The following SLC29A2 variants were observed in gnomAD, a reference collection of about 807,000 sequenced individuals.
The protein encoded by SLC29A2 is solute carrier family 29 member 2.
A neutral mutation model predicts 48.8 loss-of-function variants in SLC29A2; 37 were observed. The observed-to-expected ratio is 0.76, with a 90% CI of 0.58 to 1.00. SLC29A2 has a LOEUF of 1.00. Among genes scored for constraint, SLC29A2 ranks in the 50% least tolerant of loss-of-function variants. The pLI, the probability that SLC29A2 is intolerant of heterozygous loss-of-function variation, is 0.00. For missense variants in SLC29A2, 533 were observed against 578.6 expected (o/e 0.92, Z 0.81); for synonymous variants, 233 against 261.7 (o/e 0.89, Z 1.06).
chr11:66,364,134 T>G, intron 11 of SLC29A2, 91 bp downstream of exon 11: 1 of 1,095,020 alleles, frequency 9.1e-7, no homozygotes, highest in Non-Finnish European at 1.3e-6. Context: ...AGAAGCAGGA[T>G]GGGCCGTCCC....
At chr11:66,368,740 C>T (rs761671864) in intron 4 of SLC29A2, 69 bp from the exon 5 acceptor site, 15 of 1,550,092 alleles carry the variant, frequency 9.7e-6, no homozygotes, top group Admixed American at 3.9e-5. Context: ...GAGGAGGTGC[C>T]GGCAGGATAC....
Position 66,369,529 on chromosome 11 carries a change from A to C in SLC29A2, c.115T>G (p.Phe39Val). The C allele has an allele frequency of 6.2e-7, 1 of 1,613,754 alleles. No individual in the cohort carries two copies. Among genetic ancestry groups the C allele is most frequent in the Non-Finnish European group, 8.5e-7 (1 of 1,179,884 alleles). ...CCGGCCCCGGCCAGTCGCGCCTGGA[A>C]GTACTGCCAGGTGGGGAGGTGGTGG... is the stretch of plus-strand genomic sequence containing the variant. ...WNFFITAIPY[F>V]QARLAGAGNS... Residue 39 changes from phenylalanine to valine, a missense_variant, in exon 3 of 12, where the codon TTC becomes GTC. Coordinates refer to ENST00000357440, the MANE Select transcript of SLC29A2 (RefSeq NM_001532.3).
chr11:66,366,175 G>T lies in SLC29A2; in HGVS notation c.924C>A (p.Phe308Leu). Residue 308 changes from phenylalanine to leucine, a missense_variant, in exon 9 of 12, where the codon TTC becomes TTA. Physicochemically the swap from Phe to Leu is conservative, Grantham distance 22 (BLOSUM62 0). Coordinates refer to ENST00000357440, the MANE Select transcript of SLC29A2 (RefSeq NM_001532.3). ...VLVFTVTLSVFPAITAMVTSS... is the reference protein window; with the variant it reads ...VLVFTVTLSVLPAITAMVTSS... ...TGGTCACCATGGCTGTGATGGCGGG[G>T]AAGACGGACAGGGTGACTGTGAAGA... 6.2e-7 allele frequency: 1 copy of T among 1,614,210 alleles called. No individual in the cohort carries two copies. Among genetic ancestry groups the T allele is most frequent in the Non-Finnish European group, 8.5e-7 (1 of 1,180,048 alleles).
intron 10 of SLC29A2, 143 bp downstream of exon 10, chr11:66,365,793 G>A: frequency 1.3e-6 from 1 of 797,892 alleles, no homozygotes; most frequent in South Asian, 1.4e-5. Context: ...CGCCTCCAGG[G>A]CCCAAGTGCT....
intron 1 of SLC29A2, 35 bp from the exon 2 acceptor site, chr11:66,371,360 G>T: frequency 1.3e-6 from 2 of 1,599,674 alleles, no homozygotes; most frequent in Non-Finnish European, 1.7e-6. Context: ...CCCCGAGGAC[G>T]CACCCGCCTC....
At position 66,369,354 on chromosome 11, in the gene SLC29A2, G is replaced by A; in HGVS notation, c.275+15C>T. On this transcript the variant is annotated intron_variant, in intron 3 of 11. Transcript: ENST00000357440. ...GCCTCGGCAGAGGGCGCAGGAGCCA[G>A]GGCAGGCCTCTCACCACTGGTACAG... 6.2e-7 allele frequency: 1 copy of A among 1,613,852 alleles called. No individual in the cohort carries two copies. Among genetic ancestry groups the A allele is most frequent in the Non-Finnish European group, 8.5e-7 (1 of 1,179,872 alleles).
chr11:66,363,519 C>G lies in SLC29A2; in HGVS notation c.1288G>C (p.Ala430Pro). Residue 430 changes from alanine to proline, a missense_variant, in exon 12 of 12, where the codon GCC (alanine) becomes CCC (proline). By Grantham distance (27) the Ala-to-Pro change is conservative (BLOSUM62 -1). Transcript: ENST00000357440. ...AGGAAGAAGGTCATGAGGGCGCCGG[C>G]CACCTCCCTCTCGTGTGGCAGCACC... ...RQVLPHEREV[A>P]GALMTFFLAL... The G allele has an allele frequency of 3.7e-6, 6 of 1,613,820 alleles. No individual in the cohort carries two copies. The highest frequency in any genetic ancestry group is 5.1e-6 in the Non-Finnish European group (6 of 1,179,842).
intron 10 of SLC29A2, 24 bp downstream of exon 10, chr11:66,365,912 A>C (rs1205495621): frequency 1.9e-6 from 3 of 1,607,736 alleles, no homozygotes. Context: ...AAAACATCGG[A>C]TCACCCAGCC....
Position 66,367,832 on chromosome 11 carries a change from A to AG in SLC29A2, c.587_588insC (p.Ile197TyrfsTer30), listed in dbSNP as rs1855794548. 8 of 1,614,046 alleles carry AG rather than the reference A, an allele frequency of 5.0e-6. No individual in the cohort carries two copies. Among genetic ancestry groups the AG allele is most frequent in the East Asian group, 2.2e-5 (1 of 44,896 alleles). On this transcript the variant is annotated frameshift_variant, in exon 6 of 12. Coordinates refer to ENST00000357440, the MANE Select transcript of SLC29A2 (RefSeq NM_001532.3). LOFTEE classifies it high-confidence loss of function. ...TGAGGATGCCCACACAGGGCGTGAT[A>AG]AAGTACCCCAGGGCAGAGGTCTCGG...
Position 66,368,521 on chromosome 11 carries a change from AC to A in SLC29A2, c.550+15del, listed in dbSNP as rs1855837598. The stretch of plus-strand genomic sequence containing the variant: ...CAGAGGCCACCCCAGCCCTCCAGCC[AC>A]CCAAGTGCACTCACTGGCCATGGAC... On this transcript the variant is annotated intron_variant, in intron 5 of 11. Coordinates refer to ENST00000357440, the MANE Select transcript of SLC29A2 (RefSeq NM_001532.3). 1.2e-6 allele frequency: 2 copies of A among 1,613,208 alleles called. No individual in the cohort carries two copies. Among genetic ancestry groups the A allele is most frequent in the Non-Finnish European group, 1.7e-6 (2 of 1,179,892 alleles).
At chr11:66,367,926 G>A (rs1855804141) in intron 5 of SLC29A2, 57 bp from the exon 6 acceptor site, 2 of 1,389,180 alleles carry the variant, frequency 1.4e-6, no homozygotes, top group East Asian at 2.4e-5. Flanking sequence ...GCTCCCACGG[G>A]GCTTCCAACT....
chr11:66,364,245 G>A lies in SLC29A2; in HGVS notation c.1239C>T (p.Leu413=), dbSNP rs1405766539. ...FAVSNGYLVS[L]TMCLAPRQVL... is the part of the protein sequence containing the mutation. ...CGGACCTGGGCGCCAGGCACATGGT[G>A]AGGGACACCAGGTAGCCATTAGAAA... The change falls in exon 11 of 12, where the codon CTC becomes CTT. Residue 413 remains leucine (L), a synonymous_variant. Transcript: ENST00000357440. 3.1e-6 allele frequency: 5 copies of A among 1,612,438 alleles called. No individual in the cohort carries two copies. The African/African-American group carries it at 4.0e-5, about 13-fold the overall frequency.
Position 66,371,742 on chromosome 11 carries a change from G to T in SLC29A2, c.-151C>A. ...GCTGGAGTCGCACAGGTAGCCTCGG[G>T]CGGATTTCGGCGTGTCTCGCGCTCC... On this transcript the variant is annotated 5_prime_UTR_variant, in exon 1 of 12. Coordinates refer to ENST00000357440, the MANE Select transcript of SLC29A2 (RefSeq NM_001532.3). The T allele has an allele frequency of 5.7e-6, 4 of 707,502 alleles. No homozygotes were observed. In the South Asian group the frequency reaches 7.5e-5, roughly 13 times the overall value. The allele number at this position is 707,502 out of a possible 1,614,324, so 43.8% of individuals were successfully genotyped here. A position where few individuals can be genotyped will look rare whatever the true frequency, so the allele number is the denominator to read the frequency against.
intron 10 of SLC29A2, 79 bp from the exon 11 acceptor site, chr11:66,364,503 C>A: frequency 3.7e-5 from 24 of 654,642 alleles, no homozygotes; most frequent in Non-Finnish European, 5.9e-5. Flanking sequence ...CCATAGAGTA[C>A]TTTTTTTTTT....
In SLC29A2 at chr11:66,367,814, G is replaced by T; in HGVS notation, c.606C>A (p.Gly202=). The T allele has an allele frequency of 6.2e-7, 1 of 1,614,230 alleles. No individual in the cohort carries two copies. ...GGTAACACACGATGGACATGAGGATGCCCACACAGGGCGTGATAAAGTACC... is the reference window on the plus strand; with the variant it reads ...GGTAACACACGATGGACATGAGGATTCCCACACAGGGCGTGATAAAGTACC... ...ALGYFITPCV[G]ILMSIVCYLS... is the part of the protein sequence containing the mutation. Residue 202 remains glycine (G), a synonymous_variant, in exon 6 of 12, where the codon GGC becomes GGA. Coordinates refer to ENST00000357440, the MANE Select transcript of SLC29A2 (RefSeq NM_001532.3).
At position 66,367,684 on chromosome 11, in the gene SLC29A2, AC is replaced by A. The variant is rs560182170; in HGVS notation, c.648+87del. 4.3e-4 allele frequency: 637 copies of A among 1,495,296 alleles called. 3 individuals carry two copies. In the Admixed American group the frequency reaches 5.9e-3, roughly 14 times the overall value. The allele number at this position is 1,495,296 out of a possible 1,614,324, so 92.6% of individuals were successfully genotyped here. A position where few individuals can be genotyped will look rare whatever the true frequency, so the allele number is the denominator to read the frequency against. On this transcript the variant is annotated intron_variant, in intron 6 of 11. Coordinates refer to ENST00000357440, the MANE Select transcript of SLC29A2 (RefSeq NM_001532.3). ...TCAGGGCTGAGACCAGGTCTCCTCC[AC>A]CTCCCCTGGCCTCTCTCAGGGCCTC...
At chr11:66,367,357 C>T (rs2135004035) in intron 7 of SLC29A2, 107 bp downstream of exon 7, 1 of 908,902 alleles carries the variant, frequency 1.1e-6, no homozygotes. Context: ...TTGCACAAGG[C>T]TACTAGGGGT....
chr11:66,362,953 C>G lies in SLC29A2; in HGVS notation c.*483G>C, dbSNP rs1414255374. ...ACACTGCTTGAGGCTGAGCCTGGCCCTTTGAGCACCCTCAGGTCCTCCACA... is the reference window on the plus strand; with the variant it reads ...ACACTGCTTGAGGCTGAGCCTGGCCGTTTGAGCACCCTCAGGTCCTCCACA... On this transcript the variant is annotated 3_prime_UTR_variant, in exon 12 of 12. Transcript: ENST00000357440. The G allele has an allele frequency of 4.3e-6, 1 of 229,908 alleles. No individual in the cohort carries two copies. The highest frequency in any genetic ancestry group is 8.8e-6 in the Non-Finnish European group (1 of 113,774). 14.2% of individuals were successfully genotyped at this position (229,908 alleles called of 1,614,324 possible). A position where few individuals can be genotyped will look rare whatever the true frequency, so the allele number is the denominator to read the frequency against.
Position 66,364,319 on chromosome 11 carries a change from G to C in SLC29A2, c.1165C>G (p.Leu389Val), listed in dbSNP as rs1389391403. 1 of 1,614,050 alleles carries C rather than the reference G, an allele frequency of 6.2e-7. No individual in the cohort carries two copies. The highest frequency in any genetic ancestry group is 8.5e-7 in the Non-Finnish European group (1 of 1,180,002). Residue 389 changes from leucine (L) to valine (V), a missense_variant, in exon 11 of 12, where the codon CTC becomes GTC. Leu to Val is a conservative substitution (Grantham distance 32). Transcript: ENST00000357440. ...HVPQRSRLPI[L>V]FPQDAYFITF... ...ATGAAGTAGGCATCCTGTGGGAAGA[G>C]GATGGGCAGCCGGGACCTCTGGGGC...
Sources: allele counts gnomAD v4.1 joint callset, GRCh38; gene constraint gnomAD v4.1.1; transcripts MANE v1.5; gene names NCBI Gene and HGNC (gene_info 2026-07-23, HGNC 2026-07-21).